Variants in ZDHHC3 observed in about 807,000 individuals in gnomAD.
The protein encoded by ZDHHC3 is palmitoyltransferase ZDHHC3.
ZDHHC3 carries 9 observed loss-of-function variants against 30.6 expected under a neutral mutation model. The ratio of observed to expected loss-of-function variants is 0.29; its 90% CI spans 0.18 to 0.51. The LOEUF (loss-of-function observed/expected upper bound fraction) is 0.51, where lower values mean the gene tolerates loss of function less well. Ranked by LOEUF, ZDHHC3 falls within the 20% of genes least tolerant of loss-of-function variation. The pLI is 0.97. For synonymous variants in ZDHHC3, 136 were observed against 140.2 expected (o/e 0.97, Z 0.21); for missense variants, 246 against 384.2 (o/e 0.64, Z 3.01).
chr3:44,968,009 G>A (rs1038946158), intron 1 of ZDHHC3, among the ~76,000 whole-genome samples: 5 of 152,120 alleles, frequency 3.3e-5, no homozygotes, highest in African/African-American at 1.2e-4. Context: ...GATGGAAAAA[G>A]TAAGGCTCAG....
At position 44,933,115 on chromosome 3, in the gene ZDHHC3, C is replaced by G; in HGVS notation, c.610+3G>C. ...AGGGAGGAAAGCCTCAGCACATACT[C>G]ACTTGTCCAATCTTCTTCAAAGCAA... is the stretch of plus-strand genomic sequence containing the variant. On this transcript the variant is annotated splice_donor_region_variant and intron_variant, in intron 5 of 6. Transcript: ENST00000424952. 6.2e-7 allele frequency: 1 copy of G among 1,614,218 alleles called. No individual in the cohort carries two copies. Among genetic ancestry groups the G allele is most frequent in the Non-Finnish European group, 8.5e-7 (1 of 1,180,028 alleles).
At chr3:44,942,320 G>T (rs922806817) in intron 3 of ZDHHC3, among the ~76,000 whole-genome samples, 2 of 152,234 alleles carry the variant, frequency 1.3e-5, no homozygotes, top group Admixed American at 6.5e-5. Flanking sequence ...GATGGCCTGG[G>T]CCACCACGCA....
intron 2 of ZDHHC3, among the ~76,000 whole-genome samples, chr3:44,949,671 C>T (rs763415477): frequency 1.3e-5 from 2 of 152,126 alleles, no homozygotes; most frequent in South Asian, 2.1e-4. Context: ...AGACATCCAA[C>T]GGGCCACCAG....
chr3:44,937,825 T>C lies in ZDHHC3; in HGVS notation c.432-3841A>G, dbSNP rs961579866. On this transcript the variant is annotated intron_variant, in intron 3 of 6. Transcript: ENST00000424952. ...GTTGGTGATGACATTGCCAAAGCAA[T>C]TGGTGACTGGAAGGGTCTGAGGCTT... The C allele has an allele frequency of 1.1e-4, 49 of 435,290 alleles. No individual in the cohort carries two copies. The East Asian group carries it at 2.0e-3, about 18-fold the overall frequency. 27.0% of individuals were successfully genotyped at this position (435,290 alleles called of 1,614,324 possible).
In ZDHHC3 at chr3:44,925,224, T is replaced by G. The variant is rs1464838249; in HGVS notation, c.*1465A>C. 1.0e-6 allele frequency: 1 copy of G among 985,724 alleles called. No individual in the cohort carries two copies. Among genetic ancestry groups the G allele is most frequent in the East Asian group, 1.1e-4 (1 of 8,822 alleles). 61.1% of individuals were successfully genotyped at this position (985,724 alleles called of 1,614,324 possible). On this transcript the variant is annotated 3_prime_UTR_variant, in exon 7 of 7. Coordinates refer to ENST00000424952, the MANE Select transcript of ZDHHC3 (RefSeq NM_001135179.2). The stretch of plus-strand genomic sequence containing the variant: ...TTTCCATGTGGAAGCACTGACAGAA[T>G]TGAAAAGTGGCAGCATGTTCCACTT...
chr3:44,948,566 G>A (rs1403726168), intron 2 of ZDHHC3, among the ~76,000 whole-genome samples: 1 of 152,224 alleles, frequency 6.6e-6, no homozygotes, highest in Non-Finnish European at 1.5e-5. Flanking sequence ...GACAGGTGCA[G>A]ATGCAGTGAG....
At chr3:44,955,313 C>T (rs1172732100) in intron 2 of ZDHHC3, among the ~76,000 whole-genome samples, 1 of 152,198 alleles carries the variant, frequency 6.6e-6, no homozygotes, top group East Asian at 1.9e-4. Context: ...TCTATGTGGA[C>T]CTATCTACTG....
At position 44,920,258 on chromosome 3, in the gene ZDHHC3, T is replaced by G; in HGVS notation, c.*6431A>C. On this transcript the variant is annotated 3_prime_UTR_variant, in exon 7 of 7. Transcript: ENST00000424952. ...GACTGGCCCCTCGCCAGGCCTCCCT[T>G]CTTGGCACAGAAGCAGTGACCAGCT... is the stretch of plus-strand genomic sequence containing the variant. The G allele has an allele frequency of 1.6e-6, 2 of 1,289,888 alleles. No homozygotes were observed. The highest frequency in any genetic ancestry group is 2.0e-6 in the Non-Finnish European group (2 of 988,898). The allele number at this position is 1,289,888 out of a possible 1,614,324, so 79.9% of individuals were successfully genotyped here.
At chr3:44,936,720 T>C (rs1281654775) in intron 3 of ZDHHC3, among the ~76,000 whole-genome samples, 1 of 151,922 alleles carries the variant, frequency 6.6e-6, no homozygotes, top group African/African-American at 2.4e-5. Flanking sequence ...TACCTGAAGG[T>C]GGAGGGTAGG....
intron 2 of ZDHHC3, among the ~76,000 whole-genome samples, chr3:44,953,614 G>A (rs1703664527): frequency 6.6e-6 from 1 of 152,160 alleles, no homozygotes; most frequent in Admixed American, 6.5e-5. Context: ...AACTCCAACA[G>A]CTCTCCCAGG....
In ZDHHC3 at chr3:44,949,726, G is replaced by A. The variant is rs188023026; in HGVS notation, c.307-4434C>T. On this transcript the variant is annotated intron_variant, in intron 2 of 6. Transcript: ENST00000424952. The stretch of plus-strand genomic sequence containing the variant: ...AGGGTCTGGAAGGTTTCATGAAGGT[G>A]AGGCAGGGCCCAGACCACATGGCAT... Among the ~76,000 whole-genome samples the A allele has an allele frequency of 9.7e-4, 148 of 152,350 alleles. 2 individuals carry two copies. The highest frequency in any genetic ancestry group is 3.5e-3 in the African/African-American group (146 of 41,578).
chr3:44,933,357 G>C, intron 4 of ZDHHC3, 158 bp from the exon 5 acceptor site: 1 of 670,474 alleles, frequency 1.5e-6, no homozygotes, highest in Non-Finnish European at 2.6e-6. Flanking sequence ...ATTCCCTACA[G>C]ATCCGTCTAC....
chr3:44,957,415 C>T (rs1321480725), intron 2 of ZDHHC3, among the ~76,000 whole-genome samples: 1 of 152,212 alleles, frequency 6.6e-6, no homozygotes, highest in Admixed American at 6.5e-5. Context: ...AGTGCCACTC[C>T]TCCTCACTAC....
chr3:44,948,210 G>A lies in ZDHHC3; in HGVS notation c.307-2918C>T, dbSNP rs115908117. Reference sequence around the variant, plus strand: ...GGGCAAATTGGGAGTTTCAGATAGAGCACCCTGGTCTCCCCAGAGTTGGAC... The same window carrying A: ...GGGCAAATTGGGAGTTTCAGATAGAACACCCTGGTCTCCCCAGAGTTGGAC... On this transcript the variant is annotated intron_variant, in intron 2 of 6. Transcript: ENST00000424952. 6.9e-3 allele frequency among the ~76,000 whole-genome samples: 1,050 copies of A among 152,328 alleles called. 14 individuals carry two copies. Among genetic ancestry groups the A allele is most frequent in the African/African-American group, 0.024 (984 of 41,572 alleles).
rs1420469691 is a variant in ZDHHC3, at chr3:44,959,144, A to G, written c.293T>C (p.Met98Thr). ...AGACATACTCACGGGGTCCGTCAGC[A>G]TGGCCCGGCAGTGGGAGGCCAGGGC... ...FLALASHCRA[M>T]LTDPGAVPKG... Residue 98 changes from methionine (M) to threonine (T), a missense_variant, in exon 2 of 7, where the codon ATG becomes ACG. By Grantham distance (81) the Met-to-Thr change is moderately conservative. Transcript: ENST00000424952. This position sits in a 1 kb window ranked among gnomAD's most constrained non-coding sequence, Gnocchi z 4.3. 6.2e-7 allele frequency: 1 copy of G among 1,614,120 alleles called. No homozygotes were observed.
rs149405044 is a variant in ZDHHC3, at chr3:44,929,369, G to C, written c.678C>G (p.Leu226=). The change falls in exon 6 of 7, where the codon CTC becomes CTG. Residue 226 remains leucine (L), a synonymous_variant. Coordinates refer to ENST00000424952, the MANE Select transcript of ZDHHC3 (RefSeq NM_001135179.2). ...ACATCACTGATGTGAAAATGAGGAA[G>C]AGCAGGCCCTCAAAGCACAGCAGGA... ...LLILLCFEGL[L]FLIFTSVMFG... is the part of the protein sequence containing the mutation. The C allele has an allele frequency of 3.1e-6, 5 of 1,614,154 alleles. No individual in the cohort carries two copies. Among genetic ancestry groups the C allele is most frequent in the Non-Finnish European group, 4.2e-6 (5 of 1,180,002 alleles).
Position 44,924,435 on chromosome 3 carries a change from C to T in ZDHHC3, c.*2254G>A. ...TGGTTTGAGAGCTCAGAAACATTGA[C>T]TCTTTCTAGCCAAGGCCTATACAAA... On this transcript the variant is annotated 3_prime_UTR_variant, in exon 7 of 7. Transcript: ENST00000424952. 1.0e-6 allele frequency: 1 copy of T among 985,458 alleles called. No individual in the cohort carries two copies. Among genetic ancestry groups the T allele is most frequent in the Non-Finnish European group, 1.2e-6 (1 of 829,936 alleles). The allele number at this position is 985,458 out of a possible 1,614,324, so 61.0% of individuals were successfully genotyped here.
Position 44,925,588 on chromosome 3 carries a change from C to T in ZDHHC3, c.*1101G>A, listed in dbSNP as rs1353841571. ...CTGTGGATTCTGGCCAATGGGATGG[C>T]CATATGTCAACTTTGAAAGGGTGGG... is the stretch of plus-strand genomic sequence containing the variant. On this transcript the variant is annotated 3_prime_UTR_variant, in exon 7 of 7. Coordinates refer to ENST00000424952, the MANE Select transcript of ZDHHC3 (RefSeq NM_001135179.2). 2.0e-6 allele frequency: 2 copies of T among 985,334 alleles called. No individual in the cohort carries two copies. Among genetic ancestry groups the T allele is most frequent in the Admixed American group, 6.1e-5 (1 of 16,266 alleles). The allele number at this position is 985,334 out of a possible 1,614,324, so 61.0% of individuals were successfully genotyped here.
chr3:44,922,613 A>G lies in ZDHHC3; in HGVS notation c.*4076T>C, dbSNP rs557380651. On this transcript the variant is annotated 3_prime_UTR_variant, in exon 7 of 7. Transcript: ENST00000424952. ...CTGAGCCCAGCAGCACACAAGACCC[A>G]TATCACCAGCAGGCATCAGGGACCA... is the stretch of plus-strand genomic sequence containing the variant. The G allele has an allele frequency of 6.1e-6, 6 of 985,312 alleles. No individual in the cohort carries two copies. Among genetic ancestry groups the G allele is most frequent in the East Asian group, 1.1e-4 (1 of 8,784 alleles). The allele number at this position is 985,312 out of a possible 1,614,324, so 61.0% of individuals were successfully genotyped here. A position where few individuals can be genotyped will look rare whatever the true frequency, so the allele number is the denominator to read the frequency against.
Sources: allele counts gnomAD v4.1 joint callset (sites outside exome capture counted in the v4.1 genomes callset), GRCh38; gene constraint gnomAD v4.1.1; non-coding constraint Gnocchi (gnomAD v3.1); transcripts MANE v1.5; gene names NCBI Gene and HGNC (gene_info 2026-07-23, HGNC 2026-07-21).